Variants in UNC13C observed in about 807,000 individuals in gnomAD.
UNC13C encodes the protein unc-13 homolog C.
A neutral mutation model predicts 245.4 loss-of-function variants in UNC13C; 174 were observed. The observed-to-expected ratio is 0.71, with a 90% CI of 0.63 to 0.80. UNC13C has a LOEUF of 0.80. Among genes scored for constraint, UNC13C ranks in the 30% least tolerant of loss-of-function variants. The pLI, the probability that UNC13C is intolerant of heterozygous loss-of-function variation, is 0.00. For missense variants in UNC13C, 2,829 were observed against 2,602.9 expected (o/e 1.09, Z -1.89); for synonymous variants, 992 against 895.1 (o/e 1.11, Z -1.93).
intron 10 of UNC13C, among the ~76,000 whole-genome samples, chr15:54,286,602 A>G (rs1408849476): frequency 6.6e-6 from 1 of 152,202 alleles, no homozygotes; most frequent in Non-Finnish European, 1.5e-5. Flanking sequence ...TAACTTGGCC[A>G]AAAAAATTTT....
intron 30 of UNC13C, among the ~76,000 whole-genome samples, chr15:54,581,145 A>G (rs1184226730): frequency 6.6e-6 from 1 of 152,206 alleles, no homozygotes; most frequent in Non-Finnish European, 1.5e-5. Flanking sequence ...GGGAGAGATG[A>G]CTGTGATGGG....
At chr15:53,924,379 A>T in the UNC13C span, among the ~76,000 whole-genome samples, 1 of 152,086 alleles carries the variant, frequency 6.6e-6, no homozygotes, top group African/African-American at 2.4e-5. Context: ...AAAGGGAGGA[A>T]TGATGCTTTC....
chr15:54,376,271 A>T (rs970894039), intron 17 of UNC13C, among the ~76,000 whole-genome samples: 17 of 152,182 alleles, frequency 1.1e-4, no homozygotes, highest in African/African-American at 3.9e-4. Context: ...GGAACATCTA[A>T]GAATACCTAA....
chr15:54,221,409 A>G (rs2035221271), intron 4 of UNC13C, among the ~76,000 whole-genome samples: 1 of 151,980 alleles, frequency 6.6e-6, no homozygotes, highest in South Asian at 2.1e-4. Context: ...GGAGGATAAC[A>G]CACTCTGAAT....
intron 13 of UNC13C, among the ~76,000 whole-genome samples, chr15:54,313,916 A>G (rs116237466): frequency 0.015 from 2,283 of 151,588 alleles, 67 homozygotes; most frequent in African/African-American, 0.052. Flanking sequence ...GAGAAAATGT[A>G]CTATGTACTC....
At chr15:54,564,117 T>C (rs1897405818) in intron 29 of UNC13C, among the ~76,000 whole-genome samples, 1 of 152,046 alleles carries the variant, frequency 6.6e-6, no homozygotes, top group Non-Finnish European at 1.5e-5. Flanking sequence ...GTCCATTGAA[T>C]GGGATATTTT....
intron 4 of UNC13C, among the ~76,000 whole-genome samples, chr15:54,223,300 C>T (rs2035282336): frequency 6.6e-6 from 1 of 151,942 alleles, no homozygotes; most frequent in Non-Finnish European, 1.5e-5. Context: ...TAGTTTTATT[C>T]TTCTGTTTAT....
At chr15:54,083,830 TG>T (rs1899088515) in intron 2 of UNC13C, among the ~76,000 whole-genome samples, 1 of 152,158 alleles carries the variant, frequency 6.6e-6, no homozygotes, top group Non-Finnish European at 1.5e-5. Context: ...TGCATCGTCT[TG>T]GGGGCAGAGA....
At chr15:54,255,539 A>G (rs937147649) in intron 8 of UNC13C, among the ~76,000 whole-genome samples, 1 of 151,998 alleles carries the variant, frequency 6.6e-6, no homozygotes, top group South Asian at 2.1e-4. Flanking sequence ...TTTTCTACCA[A>G]TGTGTTCGTC....
At chr15:54,388,742 A>G (rs1322635007) in intron 17 of UNC13C, among the ~76,000 whole-genome samples, 3 of 151,840 alleles carry the variant, frequency 2.0e-5, no homozygotes, top group Non-Finnish European at 4.4e-5. Flanking sequence ...TTTTTCTCCA[A>G]GGTTTTGTCT....
chr15:54,223,194 C>T (rs1334275843), intron 4 of UNC13C, among the ~76,000 whole-genome samples: 3 of 151,910 alleles, frequency 2.0e-5, no homozygotes, highest in Non-Finnish European at 4.4e-5. Flanking sequence ...GAGAGTTTCC[C>T]ACATTTTCTT....
intron 14 of UNC13C, among the ~76,000 whole-genome samples, chr15:54,323,008 C>CTT (rs59778832): frequency 6.9e-6 from 1 of 145,032 alleles, no homozygotes; most frequent in Non-Finnish European, 1.5e-5. Flanking sequence ...TTTTTGTTCT[C>CTT]TTTTTTTTTT....
At chr15:54,284,123 A>G (rs1439544669) in intron 10 of UNC13C, among the ~76,000 whole-genome samples, 1 of 152,180 alleles carries the variant, frequency 6.6e-6, no homozygotes, top group Non-Finnish European at 1.5e-5. Flanking sequence ...TGTTCTATGG[A>G]CGGGTAAATT....
chr15:54,468,574 G>A (rs1226079189), intron 19 of UNC13C, among the ~76,000 whole-genome samples: 1 of 151,620 alleles, frequency 6.6e-6, no homozygotes, highest in African/African-American at 2.4e-5. Context: ...AAGTTTTACA[G>A]TTTCATGTCT....
Position 54,492,765 on chromosome 15 carries a change from C to T in UNC13C, c.4934-1843C>T, listed in dbSNP as rs149821328. On this transcript the variant is annotated intron_variant, in intron 19 of 32. Transcript: ENST00000260323. ...TTCTCTTACCTCAGTGCTTCCAGAG[C>T]ACAAATTTCTCCCCACACTCCAAAG... 1.5e-3 allele frequency among the ~76,000 whole-genome samples: 235 copies of T among 152,292 alleles called. 1 individual carries two copies. Among genetic ancestry groups the T allele is most frequent in the Non-Finnish European group, 3.0e-3 (205 of 68,018 alleles).
At chr15:53,931,792 T>C in the UNC13C span, among the ~76,000 whole-genome samples, 1 of 152,200 alleles carries the variant, frequency 6.6e-6, no homozygotes, top group Non-Finnish European at 1.5e-5. Context: ...GCAGGAAGTA[T>C]GCCTAATGCC....
chr15:54,156,981 C>G (rs1286560819), intron 4 of UNC13C, among the ~76,000 whole-genome samples: 4 of 151,804 alleles, frequency 2.6e-5, no homozygotes, highest in African/African-American at 9.7e-5. Context: ...GTGGGTGTGG[C>G]CAACCTGGTT....
At chr15:53,979,198 A>G (rs1893824967) in intron 1 of UNC13C, among the ~76,000 whole-genome samples, 1 of 152,214 alleles carries the variant, frequency 6.6e-6, no homozygotes, top group Non-Finnish European at 1.5e-5. Flanking sequence ...GAGAATATCT[A>G]CATAGGGACA....
At chr15:54,072,737 T>C (rs1469151023) in intron 2 of UNC13C, among the ~76,000 whole-genome samples, 1 of 152,184 alleles carries the variant, frequency 6.6e-6, no homozygotes, top group Non-Finnish European at 1.5e-5. Flanking sequence ...TAATACACAC[T>C]TTTGAGTCCT....
Sources: gnomAD v4.1 joint callset for allele counts (sites outside exome capture counted in the v4.1 genomes callset) on GRCh38, gnomAD v4.1.1 for gene constraint, MANE v1.5 for transcripts, NCBI Gene and HGNC (gene_info 2026-07-23, HGNC 2026-07-21) for gene names.